Variants in PDE1B observed in about 807,000 individuals in gnomAD.
The protein encoded by PDE1B is phosphodiesterase 1B, also known as dual specificity calcium/calmodulin-dependent 3',5'-cyclic nucleotide phosphodiesterase 1B.
Under a neutral mutation model 66.7 loss-of-function variants are expected in PDE1B, and 13 were observed. The ratio of observed to expected loss-of-function variants is 0.19; its 90% CI spans 0.13 to 0.31. The LOEUF is 0.31. PDE1B is among the 10% of genes least tolerant of loss of function. PDE1B has a pLI of 1.00. For missense variants in PDE1B, 485 were observed against 682.3 expected (o/e 0.71, Z 3.22); for synonymous variants, 230 against 253.9 (o/e 0.91, Z 0.90).
chr12:54,558,655 C>A (rs560380108), intron 2 of PDE1B, among the ~76,000 whole-genome samples: 1 of 152,272 alleles, frequency 6.6e-6, no homozygotes, highest in African/African-American at 2.4e-5. Context: ...CTCCCCAGGG[C>A]CTCTGGAATA....
chr12:54,567,997 A>G (rs912537828), intron 3 of PDE1B, among the ~76,000 whole-genome samples: 3 of 152,132 alleles, frequency 2.0e-5, no homozygotes, highest in Non-Finnish European at 2.9e-5. Context: ...GCTGGATTAC[A>G]GGCATGTGCC....
chr12:54,551,938 C>T, intron 2 of PDE1B, among the ~76,000 whole-genome samples: 1 of 152,158 alleles, frequency 6.6e-6, no homozygotes, highest in East Asian at 1.9e-4. Flanking sequence ...CAGTCTGGTC[C>T]TTAAGAATGC....
chr12:54,552,976 CCTCA>C (rs1957297571), intron 2 of PDE1B, among the ~76,000 whole-genome samples: 1 of 152,222 alleles, frequency 6.6e-6, no homozygotes, highest in Non-Finnish European at 1.5e-5. Flanking sequence ...GGTTTGCCAT[CCTCA>C]GCTCATTTAT....
At chr12:54,572,537 GT>G in intron 6 of PDE1B, 63 bp from the exon 7 acceptor site, 1 of 1,497,456 alleles carries the variant, frequency 6.7e-7, no homozygotes, top group Non-Finnish European at 9.3e-7. Flanking sequence ...GTTGATCTCG[GT>G]CCGTAATCAC....
intron 15 of PDE1B, 126 bp from the exon 16 acceptor site, chr12:54,577,734 C>A (rs1321627550): frequency 1.9e-5 from 10 of 522,252 alleles, no homozygotes; most frequent in Non-Finnish European, 2.3e-5. Context: ...GCTGGGCACC[C>A]TTCTGAAGGG....
At position 54,578,399 on chromosome 12, in the gene PDE1B, C is replaced by T. The variant is rs1957805421; in HGVS notation, c.*557C>T. The T allele has an allele frequency of 6.6e-6, 1 of 152,032 alleles. No individual in the cohort carries two copies. Among genetic ancestry groups the T allele is most frequent in the South Asian group, 2.1e-4 (1 of 4,808 alleles). The allele number at this position is 152,032 out of a possible 1,614,324, so 9.4% of individuals were successfully genotyped here. A position where few individuals can be genotyped will look rare whatever the true frequency, so the allele number is the denominator to read the frequency against. ...GAGTGGATTCCTTCAGGGCATGGTACCTTTCTAGGACCTGGGAATGGGGTG... is the reference window on the plus strand; with the variant it reads ...GAGTGGATTCCTTCAGGGCATGGTATCTTTCTAGGACCTGGGAATGGGGTG... On this transcript the variant is annotated 3_prime_UTR_variant, in exon 16 of 16. Transcript: ENST00000243052.
chr12:54,559,508 G>A (rs1446632731), intron 2 of PDE1B, among the ~76,000 whole-genome samples: 1 of 152,084 alleles, frequency 6.6e-6, no homozygotes, highest in Non-Finnish European at 1.5e-5. Flanking sequence ...GTGTGTGTAA[G>A]TGTCTATGTG....
chr12:54,561,254 C>T (rs1957405985), intron 2 of PDE1B, among the ~76,000 whole-genome samples: 4 of 152,176 alleles, frequency 2.6e-5, no homozygotes, highest in African/African-American at 9.7e-5. Context: ...AGAGGAGCCC[C>T]ACCTCCTCAG....
intron 5 of PDE1B, 51 bp from the exon 6 acceptor site, chr12:54,570,190 T>C: frequency 8.8e-7 from 1 of 1,130,580 alleles, no homozygotes; most frequent in Non-Finnish European, 1.4e-6. Flanking sequence ...GAAGTCTAAC[T>C]TCAACCCTTG....
chr12:54,575,954 T>C lies in PDE1B; in HGVS notation c.1268-38T>C, dbSNP rs1201799024. 8 of 1,385,816 alleles carry C rather than the reference T, an allele frequency of 5.8e-6. No homozygotes were observed. The highest frequency in any genetic ancestry group is 1.8e-4 in the Middle Eastern group (1 of 5,636). 85.8% of individuals were successfully genotyped at this position (1,385,816 alleles called of 1,614,324 possible). On this transcript the variant is annotated intron_variant, in intron 12 of 15. Coordinates refer to ENST00000243052, the MANE Select transcript of PDE1B (RefSeq NM_000924.4). The surrounding 1 kb of genome is among the most constrained non-coding windows in gnomAD (Gnocchi z 4.0). ...ATGCTCTGCCTAGCCCTCCAGATAATAGTAAGACATCTCTACGGCATTGCT... is the reference window on the plus strand; with the variant it reads ...ATGCTCTGCCTAGCCCTCCAGATAACAGTAAGACATCTCTACGGCATTGCT...
rs1173322521 is a variant in PDE1B, at chr12:54,569,643, AAGTT to A, written c.477+34_477+37del. ...CTCTGGGTTTTTGGGAAAGAGGAGA[AAGTT>A]AGGGGATGGAATAGCCACTGGGACT... On this transcript the variant is annotated intron_variant, in intron 5 of 15. Transcript: ENST00000243052. This position sits in a 1 kb window ranked among gnomAD's most constrained non-coding sequence, Gnocchi z 4.4. The A allele has an allele frequency of 6.7e-7, 1 of 1,488,760 alleles. No homozygotes were observed. Among genetic ancestry groups the A allele is most frequent in the South Asian group, 1.1e-5 (1 of 88,494 alleles). The allele number at this position is 1,488,760 out of a possible 1,614,324, so 92.2% of individuals were successfully genotyped here.
intron 14 of PDE1B, chr12:54,576,971 C>T (rs1028960850): frequency 2.5e-5 from 15 of 604,204 alleles, no homozygotes; most frequent in African/African-American, 9.3e-5. Context: ...AAATGGTGCC[C>T]CTGTAGATTT....
chr12:54,564,351 G>T (rs1957475477), intron 2 of PDE1B, among the ~76,000 whole-genome samples: 1 of 150,508 alleles, frequency 6.6e-6, no homozygotes, highest in African/African-American at 2.5e-5. Flanking sequence ...AAAAAAGCAG[G>T]CCGGGTGCAG....
rs1339452582 is a variant in PDE1B at position 54,575,727 on chromosome 12, A to C, written c.1267+95A>C. 3 of 949,906 alleles carry C rather than the reference A, an allele frequency of 3.2e-6. No homozygotes were observed. Among genetic ancestry groups the C allele is most frequent in the African/African-American group, 1.6e-5 (1 of 62,492 alleles). 58.8% of individuals were successfully genotyped at this position (949,906 alleles called of 1,614,324 possible). Reference sequence around the variant, plus strand: ...TCCAAGTCCTCAATCCCCCCAAACCATTCTTCCTGTAGAGGAAAGCCTACT... The same window carrying C: ...TCCAAGTCCTCAATCCCCCCAAACCCTTCTTCCTGTAGAGGAAAGCCTACT... On this transcript the variant is annotated intron_variant, in intron 12 of 15. Coordinates refer to ENST00000243052, the MANE Select transcript of PDE1B (RefSeq NM_000924.4). This position sits in a 1 kb window ranked among gnomAD's most constrained non-coding sequence, Gnocchi z 4.0.
intron 2 of PDE1B, among the ~76,000 whole-genome samples, chr12:54,557,339 G>A (rs1012178157): frequency 5.3e-5 from 8 of 152,188 alleles, no homozygotes; most frequent in African/African-American, 1.7e-4. Context: ...TTCCTGGAAA[G>A]TTCCTGGAGG....
chr12:54,556,106 C>T (rs1957339017), intron 2 of PDE1B, among the ~76,000 whole-genome samples: 2 of 152,140 alleles, frequency 1.3e-5, no homozygotes, highest in Non-Finnish European at 2.9e-5. Context: ...CAAGTAATTG[C>T]CTTTGAATCT....
chr12:54,560,775 A>C (rs999719763), intron 2 of PDE1B, among the ~76,000 whole-genome samples: 2 of 152,164 alleles, frequency 1.3e-5, no homozygotes, highest in Non-Finnish European at 2.9e-5. Flanking sequence ...CTCTGAGCCG[A>C]TTGACCTCTC....
Position 54,549,731 on chromosome 12 carries a change from G to A in PDE1B, c.-55G>A. 1 of 577,128 alleles carries A rather than the reference G, an allele frequency of 1.7e-6. No homozygotes were observed. Among genetic ancestry groups the A allele is most frequent in the Admixed American group, 3.1e-5 (1 of 32,266 alleles). 35.8% of individuals were successfully genotyped at this position (577,128 alleles called of 1,614,324 possible). A position where few individuals can be genotyped will look rare whatever the true frequency, so the allele number is the denominator to read the frequency against. ...AGCTGCAGCTCTGCCAGCTTGGGCC[G>A]AGCCTAGAGACACCGGCCTGGCTGG... On this transcript the variant is annotated 5_prime_UTR_variant, in exon 1 of 16. Coordinates refer to ENST00000243052, the MANE Select transcript of PDE1B (RefSeq NM_000924.4).
rs778054287 is a variant in PDE1B at position 54,567,019 on chromosome 12, T to G, written c.159T>G (p.Ile53Met). 2 of 1,612,684 alleles carry G rather than the reference T, an allele frequency of 1.2e-6. No individual in the cohort carries two copies. The highest frequency in any genetic ancestry group is 8.5e-7 in the Non-Finnish European group (1 of 1,179,220). ...AGTTGGAGAATGGGGAGATAAACAT[T>G]GAGGAGCTGAAGAAAAATCTGGAGT... is the stretch of plus-strand genomic sequence containing the variant. ...VKQLENGEIN[I>M]EELKKNLEYT... The change falls in exon 3 of 16, where the codon ATT becomes ATG. Residue 53 changes from isoleucine (I) to methionine (M), a missense_variant. Around this residue, in one of 4 missense-constraint regions of PDE1B, gnomAD observed 74 missense variants for 78.7 expected, o/e 0.94. Transcript: ENST00000243052.
Sources: allele counts gnomAD v4.1 joint callset (sites outside exome capture counted in the v4.1 genomes callset), GRCh38; gene constraint gnomAD v4.1.1; regional missense constraint gnomAD v4.1.1; non-coding constraint Gnocchi (gnomAD v3.1); transcripts MANE v1.5; gene names NCBI Gene and HGNC (gene_info 2026-07-23, HGNC 2026-07-21).